The following ALS2CL variants were observed in gnomAD, a reference collection of about 807,000 sequenced individuals.
ALS2CL encodes ALS2 C-terminal like.
A neutral mutation model predicts 127.9 loss-of-function variants in ALS2CL; 112 were observed. That is an observed-to-expected ratio of 0.88 (90% confidence interval 0.75 to 1.02). ALS2CL has a LOEUF of 1.02. Ranked by LOEUF, ALS2CL falls within the 50% of genes least tolerant of loss-of-function variation. ALS2CL has a pLI of 0.00. For missense variants in ALS2CL, 1,174 were observed against 1,236.7 expected (o/e 0.95, Z 0.76); for synonymous variants, 519 against 527.6 (o/e 0.98, Z 0.22).
At position 46,689,338 on chromosome 3, in the gene ALS2CL, C is replaced by T. The variant is rs769582701; in HGVS notation, c.103G>A (p.Ala35Thr). 1.2e-5 allele frequency: 20 copies of T among 1,612,542 alleles called. No individual in the cohort carries two copies. The highest frequency in any genetic ancestry group is 1.1e-4 in the African/African-American group (8 of 74,916). Residue 35 changes from alanine (A) to threonine (T), a missense_variant and splice_region_variant, in exon 2 of 26, where the codon GCC (alanine) becomes ACC (threonine). Coordinates refer to ENST00000318962, the MANE Select transcript of ALS2CL (RefSeq NM_147129.5). ...TCCCCACTAGAAAGCCTAGACTCAC[C>T]GGCTGGGAGCAGGGGCTGGAGGACA... ...SLVLQPLLPA[A>T]PDPSDPWGRE...
chr3:46,674,776 G>T, intron 20 of ALS2CL, 37 bp from the exon 21 acceptor site: 2 of 1,547,774 alleles, frequency 1.3e-6, no homozygotes, highest in South Asian at 2.5e-5. Flanking sequence ...GATGAGCAAG[G>T]TGGGGTCTGG....
intron 21 of ALS2CL, among the ~76,000 whole-genome samples, 175 bp from the exon 22 acceptor site, chr3:46,673,556 C>A (rs1288847819): frequency 1.3e-5 from 2 of 152,118 alleles, no homozygotes; most frequent in Admixed American, 6.5e-5. Context: ...AGGCAGAGCT[C>A]CAGAAGCTCC....
chr3:46,688,666 T>C (rs1315003778), intron 2 of ALS2CL, among the ~76,000 whole-genome samples: 1 of 152,138 alleles, frequency 6.6e-6, no homozygotes, highest in Non-Finnish European at 1.5e-5. Context: ...GGTCACACAG[T>C]CCTCTGCCAT....
rs948287131 is a variant in ALS2CL, at chr3:46,683,081, C to T, written c.1109+49G>A. On this transcript the variant is annotated intron_variant, in intron 10 of 25. Coordinates refer to ENST00000318962, the MANE Select transcript of ALS2CL (RefSeq NM_147129.5). ...GGCTTGTGTGCTGCTCTCTGCCCCG[C>T]AGACCCCCAGGGAGTCCCACCTTGC... The T allele has an allele frequency of 1.7e-5, 25 of 1,492,560 alleles. No homozygotes were observed. The African/African-American group carries it at 3.3e-4, about 19-fold the overall frequency. The allele number at this position is 1,492,560 out of a possible 1,614,324, so 92.5% of individuals were successfully genotyped here. A position where few individuals can be genotyped will look rare whatever the true frequency, so the allele number is the denominator to read the frequency against.
chr3:46,682,201 C>T, intron 10 of ALS2CL, 107 bp from the exon 11 acceptor site: 1 of 1,189,162 alleles, frequency 8.4e-7, no homozygotes, highest in Non-Finnish European at 1.2e-6. Flanking sequence ...GGACTGGGCT[C>T]CCTGCACCCA....
At chr3:46,672,057 G>A (rs764276046) in intron 23 of ALS2CL, 24 bp from the exon 24 acceptor site, 3 of 1,614,052 alleles carry the variant, frequency 1.9e-6, no homozygotes, top group South Asian at 1.1e-5. Context: ...GCTGGCTCCA[G>A]GTCAAGGCCC....
At chr3:46,675,130 T>A in intron 20 of ALS2CL, 1 of 211,200 alleles carries the variant, frequency 4.7e-6, no homozygotes, top group Middle Eastern at 1.8e-3. Flanking sequence ...TCTAACCCCA[T>A]TTCCCTTGCC....
rs546987567 is a variant in ALS2CL at position 46,676,199 on chromosome 3, AC to A, written c.2186+45del. On this transcript the variant is annotated intron_variant, in intron 19 of 25. Coordinates refer to ENST00000318962, the MANE Select transcript of ALS2CL (RefSeq NM_147129.5). Reference sequence around the variant, plus strand: ...CAGAACTGATGCCTGGAAAGGGCACACTAGTGTCACAGGGCAGTAGCTGTCC... The same window carrying A: ...CAGAACTGATGCCTGGAAAGGGCACATAGTGTCACAGGGCAGTAGCTGTCC... The A allele has an allele frequency of 2.1e-5, 34 of 1,594,060 alleles. No homozygotes were observed. The African/African-American group carries it at 3.8e-4, about 18-fold the overall frequency.
chr3:46,683,649 T>C (rs376832802), intron 9 of ALS2CL, 133 bp downstream of exon 9: 4 of 1,156,120 alleles, frequency 3.5e-6, no homozygotes, highest in African/African-American at 1.5e-5. Flanking sequence ...CGATTTACTC[T>C]GACCAGGTCC....
intron 25 of ALS2CL, 132 bp from the exon 26 acceptor site, chr3:46,671,196 A>G: frequency 9.3e-7 from 1 of 1,072,884 alleles, no homozygotes; most frequent in African/African-American, 1.6e-5. Flanking sequence ...CTCAGCCCTC[A>G]GCCACAGTCT....
chr3:46,685,917 T>C (rs1699733277), intron 6 of ALS2CL, among the ~76,000 whole-genome samples: 1 of 152,130 alleles, frequency 6.6e-6, no homozygotes, highest in Non-Finnish European at 1.5e-5. Flanking sequence ...CTGCCTCCCT[T>C]CCACAATTCT....
At chr3:46,673,700 G>C (rs557193921) in intron 21 of ALS2CL, among the ~76,000 whole-genome samples, 4 of 152,336 alleles carry the variant, frequency 2.6e-5, no homozygotes, top group Non-Finnish European at 5.9e-5. Context: ...GGGGGATGCA[G>C]CCCTCATGCA....
Position 46,688,305 on chromosome 3 carries a change from G to A in ALS2CL, c.104-9C>T. 6.2e-7 allele frequency: 1 copy of A among 1,611,788 alleles called. No individual in the cohort carries two copies. The highest frequency in any genetic ancestry group is 8.5e-7 in the Non-Finnish European group (1 of 1,179,524). ...ATCCGAGGGATCTGGGGCTGGGGAA[G>A]GAGTACAGTCACACTGTGAGTAGAG... On this transcript the variant is annotated splice_polypyrimidine_tract_variant and intron_variant, in intron 2 of 25. Transcript: ENST00000318962.
In ALS2CL at chr3:46,688,965, C is replaced by G. The variant is rs111760691; in HGVS notation, c.103+373G>C. On this transcript the variant is annotated intron_variant, in intron 2 of 25. Transcript: ENST00000318962. ...AGCAGTCAGACTTGGCGCAGTGGCT[C>G]ATGCCTATAATCCCAGCAATTTGAG... 7.9e-3 allele frequency among the ~76,000 whole-genome samples: 1,210 copies of G among 152,332 alleles called. 15 individuals carry two copies. The highest frequency in any genetic ancestry group is 0.027 in the African/African-American group (1,136 of 41,568).
intron 1 of ALS2CL, among the ~76,000 whole-genome samples, chr3:46,691,722 CT>C (rs1029410954): frequency 3.8e-3 from 513 of 134,646 alleles, no homozygotes; most frequent in African/African-American, 5.0e-3. Flanking sequence ...TCTTTCTATT[CT>C]TTTTTTTTTT....
chr3:46,672,189 C>T lies in ALS2CL; in HGVS notation c.2485G>A (p.Val829Ile). Residue 829 changes from valine to isoleucine, a missense_variant, in exon 23 of 26, where the codon GTC becomes ATC. Val to Ile is a conservative substitution (Grantham distance 29, BLOSUM62 3). Transcript: ENST00000318962. ...TLTSNQRYSL[V>I]RDKCFLSATE... ...GCTGACAGGAAACACTTGTCCCTGA[C>T]CAGGGAGTACCTCTGCATGGTGGAG... is the stretch of plus-strand genomic sequence containing the variant. 2 of 1,614,122 alleles carry T rather than the reference C, an allele frequency of 1.2e-6. No homozygotes were observed. The highest frequency in any genetic ancestry group is 1.7e-6 in the Non-Finnish European group (2 of 1,180,034).
chr3:46,677,336 A>G, intron 16 of ALS2CL: 1 of 1,166,474 alleles, frequency 8.6e-7, no homozygotes, highest in Non-Finnish European at 1.1e-6. Context: ...GGTCCAAGAG[A>G]GACCAGTGTC....
chr3:46,675,474 A>T, intron 20 of ALS2CL, 144 bp downstream of exon 20: 1 of 776,810 alleles, frequency 1.3e-6, no homozygotes, highest in Non-Finnish European at 2.1e-6. Flanking sequence ...CTAATCCACA[A>T]ACGATCAATG....
chr3:46,692,468 C>T (rs1452842985), intron 1 of ALS2CL, among the ~76,000 whole-genome samples: 4 of 152,066 alleles, frequency 2.6e-5, no homozygotes, highest in African/African-American at 9.7e-5. Flanking sequence ...GCCTAATGTA[C>T]AGATGGGGAA....
Sources: allele counts gnomAD v4.1 joint callset (sites outside exome capture counted in the v4.1 genomes callset), GRCh38; gene constraint gnomAD v4.1.1; transcripts MANE v1.5; gene names NCBI Gene and HGNC (gene_info 2026-07-23, HGNC 2026-07-21).